The following FBXO38 variants were observed in gnomAD, a reference collection of about 807,000 sequenced individuals.
The protein encoded by FBXO38 is F-box protein 38.
In FBXO38, 53 loss-of-function variants were observed where a neutral mutation model predicts 131.9. That is an observed-to-expected ratio of 0.40 (90% CI 0.32 to 0.51). The LOEUF (loss-of-function observed/expected upper bound fraction) is 0.51. FBXO38 is among the 20% of genes least tolerant of loss of function. The pLI, the probability that FBXO38 is intolerant of heterozygous loss-of-function variation, is 0.53. For missense variants in FBXO38, 1,076 were observed against 1,475.6 expected, an observed-to-expected ratio of 0.73 and a Z score of 4.44; for synonymous variants, 452 against 505.6, an observed-to-expected ratio of 0.89 and a Z score of 1.42.
At chr5:148,413,560 C>T (rs1400284262) in intron 9 of FBXO38, 1 of 152,124 alleles carries the variant, frequency 6.6e-6, no homozygotes, top group Non-Finnish European at 1.5e-5. Flanking sequence ...TCCTCCTTTA[C>T]TTATTCCCAA....
chr5:148,413,342 G>GTT (rs5872079), intron 9 of FBXO38: 6 of 149,230 alleles, frequency 4.0e-5, no homozygotes, highest in South Asian at 4.2e-4. Flanking sequence ...GAGTGGCAGT[G>GTT]TTTTTTTTTT....
chr5:148,433,486 A>G lies in FBXO38; in HGVS notation c.2716A>G (p.Ser906Gly), dbSNP rs1754160677. Residue 906 changes from serine to glycine, a missense_variant, in exon 16 of 22, where the codon AGT (serine) becomes GGT (glycine). Physicochemically the swap from Ser to Gly is moderately conservative, Grantham distance 56. Transcript: ENST00000340253. ...KRKRTADKST[S>G]TSDPVIEDDH... The stretch of plus-strand genomic sequence containing the variant: ...GAAGCGGACAGCAGATAAATCCACT[A>G]GTACAAGTGATCCTGTGATCGAGGA... 5.0e-6 allele frequency: 8 copies of G among 1,613,992 alleles called. No individual in the cohort carries two copies. In the East Asian group the frequency reaches 1.8e-4, roughly 36 times the overall value.
At position 148,399,068 on chromosome 5, in the gene FBXO38, A is replaced by T; in HGVS notation, c.198A>T (p.Leu66=). 6.2e-7 allele frequency: 1 copy of T among 1,613,550 alleles called. No individual in the cohort carries two copies. The highest frequency in any genetic ancestry group is 8.5e-7 in the Non-Finnish European group (1 of 1,179,650). ...LSRKLKEAVT[L]YLRVVRVVDL... The stretch of plus-strand genomic sequence containing the variant: ...GGAAGCTAAAGGAAGCAGTGACCCT[A>T]TATCTGCGAGTTGTGAGAGTTGTAG... The change falls in exon 3 of 22, where the codon CTA becomes CTT. Residue 66 remains leucine, a synonymous_variant. Coordinates refer to ENST00000340253, the MANE Select transcript of FBXO38 (RefSeq NM_205836.3).
chr5:148,401,888 G>A (rs1752173710), intron 3 of FBXO38, 94 bp from the exon 4 acceptor site: 1 of 1,216,856 alleles, frequency 8.2e-7, no homozygotes, highest in Non-Finnish European at 1.1e-6. Context: ...TGAAGAGGAA[G>A]TCTTTTTTAA....
chr5:148,441,646 C>T lies in FBXO38; in HGVS notation c.3389-323C>T, dbSNP rs183942809. The T allele has an allele frequency of 2.4e-3, 526 of 218,876 alleles. 1 individual carries two copies. The Middle Eastern group carries it at 0.024, about 10-fold the overall frequency. The allele number at this position is 218,876 out of a possible 1,614,324, so 13.6% of individuals were successfully genotyped here. A position where few individuals can be genotyped will look rare whatever the true frequency, so the allele number is the denominator to read the frequency against. On this transcript the variant is annotated intron_variant, in intron 21 of 21. Coordinates refer to ENST00000340253, the MANE Select transcript of FBXO38 (RefSeq NM_205836.3). Reference sequence around the variant, plus strand: ...GGAGAAATTTTTGAATGTAGTTTCTCTAAGTGGTAGCATACTTGAATATTT... The same window carrying T: ...GGAGAAATTTTTGAATGTAGTTTCTTTAAGTGGTAGCATACTTGAATATTT...
chr5:148,407,550 C>T (rs1212899323), intron 7 of FBXO38, among the ~76,000 whole-genome samples: 1 of 151,774 alleles, frequency 6.6e-6, no homozygotes. Flanking sequence ...AAAGCATTTA[C>T]CATAAAGAAA....
At chr5:148,392,161 A>G (rs1485532362) in intron 1 of FBXO38, among the ~76,000 whole-genome samples, 1 of 152,202 alleles carries the variant, frequency 6.6e-6, no homozygotes, top group Non-Finnish European at 1.5e-5. Context: ...CCCTGAGGAT[A>G]CAGTGATGGG....
At chr5:148,410,610 A>T in intron 8 of FBXO38, 25 bp from the exon 9 acceptor site, 1 of 1,613,290 alleles carries the variant, frequency 6.2e-7, no homozygotes, top group Non-Finnish European at 8.5e-7. Flanking sequence ...TTTTACTCTG[A>T]TATGTTCTCT....
intron 9 of FBXO38, among the ~76,000 whole-genome samples, chr5:148,411,725 A>G (rs1752770506): frequency 6.6e-6 from 1 of 152,192 alleles, no homozygotes; most frequent in Non-Finnish European, 1.5e-5. Context: ...TTACTATTAG[A>G]ATCATGTTAA....
chr5:148,403,320 T>G (rs964417328), intron 5 of FBXO38, among the ~76,000 whole-genome samples: 15 of 152,162 alleles, frequency 9.9e-5, no homozygotes, highest in African/African-American at 3.6e-4. Flanking sequence ...TGTATTATGG[T>G]GATGCAGAGG....
At chr5:148,430,339 A>AT (rs11413629) in intron 15 of FBXO38, 35,629 of 138,612 alleles carry the variant, frequency 0.26, 4,442 homozygotes, top group South Asian at 0.29. Context: ...TTTTTTTTTT[A>AT]TTTTTTTTTG....
At chr5:148,440,561 G>A (rs769951935) in intron 20 of FBXO38, 34 bp downstream of exon 20, 9 of 1,318,402 alleles carry the variant, frequency 6.8e-6, no homozygotes, top group East Asian at 2.3e-5. Flanking sequence ...AAGTTAAATA[G>A]CCTGTGCAGT....
At chr5:148,386,168 G>A (rs1376395074) in intron 1 of FBXO38, among the ~76,000 whole-genome samples, 1 of 152,152 alleles carries the variant, frequency 6.6e-6, no homozygotes, top group East Asian at 1.9e-4. Context: ...TGAAGGTAGG[G>A]TGTGGTCAGA....
chr5:148,430,158 A>ATTTT (rs58165137), intron 15 of FBXO38: 20 of 120,538 alleles, frequency 1.7e-4, no homozygotes, highest in African/African-American at 7.4e-4. Flanking sequence ...TATTATTATT[A>ATTTT]TTTTTTTTTT....
intron 20 of FBXO38, among the ~76,000 whole-genome samples, 180 bp from the exon 21 acceptor site, chr5:148,440,944 C>G (rs1024362049): frequency 6.6e-6 from 1 of 152,130 alleles, no homozygotes; most frequent in Admixed American, 6.5e-5. Context: ...ACAATCAGAA[C>G]CAGTGATGAA....
At chr5:148,418,582 G>A (rs973127196) in intron 12 of FBXO38, among the ~76,000 whole-genome samples, 4 of 152,134 alleles carry the variant, frequency 2.6e-5, no homozygotes, top group African/African-American at 4.8e-5. Flanking sequence ...AAGAGAGGGC[G>A]AGACAGTCAC....
intron 1 of FBXO38, among the ~76,000 whole-genome samples, chr5:148,391,465 C>T (rs927627441): frequency 8.5e-5 from 13 of 152,124 alleles, no homozygotes; most frequent in African/African-American, 3.1e-4. Flanking sequence ...TACATTTAAG[C>T]TAGATTTTTA....
chr5:148,407,407 C>T (rs767251965), intron 7 of FBXO38, among the ~76,000 whole-genome samples: 6 of 151,946 alleles, frequency 3.9e-5, no homozygotes, highest in Admixed American at 6.6e-5. Flanking sequence ...GTCAACATAC[C>T]TCACACAAAA....
intron 1 of FBXO38, among the ~76,000 whole-genome samples, chr5:148,387,399 G>T (rs963307092): frequency 2.0e-5 from 3 of 152,130 alleles, no homozygotes; most frequent in African/African-American, 7.2e-5. Flanking sequence ...TAGTTCTCTT[G>T]CTATTTCCTC....
Sources: gnomAD v4.1 joint callset for allele counts (sites outside exome capture counted in the v4.1 genomes callset) on GRCh38, gnomAD v4.1.1 for gene constraint, MANE v1.5 for transcripts, NCBI Gene and HGNC (gene_info 2026-07-23, HGNC 2026-07-21) for gene names.